Variants in APAF1 observed in about 807,000 individuals in gnomAD.
APAF1 encodes the protein apoptotic protease-activating factor 1.
A neutral mutation model predicts 152.4 loss-of-function variants in APAF1; 91 were observed. That is an observed-to-expected ratio of 0.60 (90% CI 0.50 to 0.71). The LOEUF (loss-of-function observed/expected upper bound fraction) is 0.71. APAF1 is among the 30% of genes least tolerant of loss of function. The pLI is 0.00. For synonymous variants in APAF1, 484 were observed against 494.1 expected (o/e 0.98, Z 0.27); for missense variants, 1,283 against 1,472.0 (o/e 0.87, Z 2.10).
chr12:98,719,954 AG>A lies in APAF1; in HGVS notation c.3085-3238del, dbSNP rs562039927. Among the ~76,000 whole-genome samples, 188 of 152,332 alleles carry A rather than the reference AG, an allele frequency of 1.2e-3. 2 individuals carry two copies. The highest frequency in any genetic ancestry group is 0.012 in the Admixed American group (181 of 15,304). Reference sequence around the variant, plus strand: ...TATGTCTGTGTGAGTCCTAGGAAGCAGTATGATTGCAATGAAATTTGGCTTT... The same window carrying A: ...TATGTCTGTGTGAGTCCTAGGAAGCATATGATTGCAATGAAATTTGGCTTT... On this transcript the variant is annotated intron_variant, in intron 22 of 26. Transcript: ENST00000551964.
intron 14 of APAF1, among the ~76,000 whole-genome samples, chr12:98,680,790 A>G (rs1485862109): frequency 1.3e-5 from 2 of 152,228 alleles, no homozygotes; most frequent in Non-Finnish European, 2.9e-5. Flanking sequence ...GCAGTGGGGA[A>G]AAGCAATGAC....
intron 22 of APAF1, among the ~76,000 whole-genome samples, chr12:98,720,766 C>T (rs1311381279): frequency 2.0e-5 from 3 of 152,114 alleles, no homozygotes. Flanking sequence ...GAGATCGAGA[C>T]CATCCTGGCT....
At position 98,679,614 on chromosome 12, in the gene APAF1, G is replaced by A. The variant is rs1237577573; in HGVS notation, c.1921-663G>A. On this transcript the variant is annotated intron_variant, in intron 13 of 26. Transcript: ENST00000551964. Reference sequence around the variant, plus strand: ...AAGTAAAGAAAAGCTGCGGCCCTTCGGGGAGCCCAGACTTGGGAGCTCCCC... The same window carrying A: ...AAGTAAAGAAAAGCTGCGGCCCTTCAGGGAGCCCAGACTTGGGAGCTCCCC... Among the ~76,000 whole-genome samples, 8 of 152,202 alleles carry A rather than the reference G, an allele frequency of 5.3e-5. No homozygotes were observed. The East Asian group carries it at 1.5e-3, about 29-fold the overall frequency.
chr12:98,652,786 C>G (rs1010352704), intron 4 of APAF1, among the ~76,000 whole-genome samples: 2 of 152,068 alleles, frequency 1.3e-5, no homozygotes, highest in African/African-American at 4.8e-5. Context: ...ACCACCACGC[C>G]TGGCTAATTT....
intron 16 of APAF1, among the ~76,000 whole-genome samples, chr12:98,696,164 A>T (rs543084040): frequency 6.6e-6 from 1 of 152,162 alleles, no homozygotes; most frequent in African/African-American, 2.4e-5. Context: ...ATTTATAAAG[A>T]AAAGGGGTTT....
chr12:98,700,412 A>T (rs1207854227), intron 17 of APAF1, among the ~76,000 whole-genome samples: 5 of 152,174 alleles, frequency 3.3e-5, no homozygotes, highest in Non-Finnish European at 5.9e-5. Context: ...GTTATATAAG[A>T]ACTCACTGAG....
chr12:98,672,458 C>T (rs1291877274), intron 12 of APAF1, among the ~76,000 whole-genome samples: 2 of 152,160 alleles, frequency 1.3e-5, no homozygotes, highest in Non-Finnish European at 2.9e-5. Flanking sequence ...AGCCACCACG[C>T]CTGGCCTTCT....
At chr12:98,667,669 T>G in intron 10 of APAF1, 25 bp downstream of exon 10, 1 of 1,610,754 alleles carries the variant, frequency 6.2e-7, no homozygotes, top group Non-Finnish European at 8.5e-7. Context: ...TTAAAAATTC[T>G]TTTATCTGAC....
intron 12 of APAF1, among the ~76,000 whole-genome samples, chr12:98,673,869 G>C (rs1481603760): frequency 6.6e-6 from 1 of 152,216 alleles, no homozygotes; most frequent in East Asian, 1.9e-4. Flanking sequence ...TATAAGTAGA[G>C]ATAGAACTGA....
intron 26 of APAF1, among the ~76,000 whole-genome samples, chr12:98,730,641 T>G (rs899255027): frequency 6.6e-6 from 1 of 152,234 alleles, no homozygotes; most frequent in African/African-American, 2.4e-5. Context: ...GTTTGATTAC[T>G]AGCTTATTCA....
intron 14 of APAF1, among the ~76,000 whole-genome samples, chr12:98,681,943 A>C (rs950979673): frequency 1.3e-5 from 2 of 152,238 alleles, no homozygotes; most frequent in African/African-American, 4.8e-5. Context: ...CTAAAAAGTC[A>C]AAATCCCAGT....
intron 25 of APAF1, chr12:98,726,552 G>A (rs2097750916): frequency 6.5e-6 from 1 of 153,798 alleles, no homozygotes. Flanking sequence ...TCTTCTTCTT[G>A]AGGACTAAGT....
chr12:98,720,642 T>C (rs1239305950), intron 22 of APAF1, among the ~76,000 whole-genome samples: 1 of 152,128 alleles, frequency 6.6e-6, no homozygotes, highest in Non-Finnish European at 1.5e-5. Flanking sequence ...CATGAGCCAG[T>C]ATATAGGACT....
At chr12:98,694,481 C>A (rs1321030561) in intron 16 of APAF1, among the ~76,000 whole-genome samples, 1 of 151,978 alleles carries the variant, frequency 6.6e-6, no homozygotes, top group Non-Finnish European at 1.5e-5. Flanking sequence ...TTCTTTTTGT[C>A]CATTTGCCCT....
At chr12:98,653,979 A>G (rs1253132587) in intron 4 of APAF1, among the ~76,000 whole-genome samples, 1 of 151,932 alleles carries the variant, frequency 6.6e-6, no homozygotes, top group Non-Finnish European at 1.5e-5. Context: ...TGCTACCAGG[A>G]TAAGCCTCCT....
chr12:98,687,872 T>C (rs1248993427), intron 16 of APAF1, among the ~76,000 whole-genome samples: 1 of 152,090 alleles, frequency 6.6e-6, no homozygotes, highest in African/African-American at 2.4e-5. Flanking sequence ...AGTACAATGG[T>C]GTGATCTTGG....
At chr12:98,698,412 G>A (rs2097711926) in intron 16 of APAF1, among the ~76,000 whole-genome samples, 1 of 152,080 alleles carries the variant, frequency 6.6e-6, no homozygotes, top group African/African-American at 2.4e-5. Flanking sequence ...GTAACTGAAG[G>A]TTCAGGCTTT....
intron 1 of APAF1, 110 bp downstream of exon 1, chr12:98,645,945 T>A (rs1000471035): frequency 6.6e-6 from 1 of 152,210 alleles, no homozygotes; most frequent in Non-Finnish European, 1.5e-5. Flanking sequence ...ACCATCCTGC[T>A]CCTGTACCAG....
chr12:98,671,492 G>A, intron 11 of APAF1, 43 bp from the exon 12 acceptor site: 1 of 1,546,346 alleles, frequency 6.5e-7, no homozygotes, highest in Non-Finnish European at 8.9e-7. Flanking sequence ...ATGTCAGATC[G>A]TGGCTCTGAT....
Sources: gnomAD v4.1 joint callset for allele counts (sites outside exome capture counted in the v4.1 genomes callset) on GRCh38, gnomAD v4.1.1 for gene constraint, MANE v1.5 for transcripts, NCBI Gene and HGNC (gene_info 2026-07-23, HGNC 2026-07-21) for gene names.